The following GAS7 variants were observed in gnomAD, a reference collection of about 807,000 sequenced individuals.
The protein encoded by GAS7 is growth arrest-specific protein 7.
Under a neutral mutation model 71.1 loss-of-function variants are expected in GAS7, and 28 were observed. That is an observed-to-expected ratio of 0.39 (90% CI 0.29 to 0.54). GAS7 has a LOEUF of 0.54. Ranked by LOEUF, GAS7 falls within the 20% of genes least tolerant of loss-of-function variation. The probability of loss-of-function intolerance (pLI) is 0.62; values close to 1 mark genes in which losing one functional copy is unlikely to be tolerated. For missense variants in GAS7, 436 were observed against 627.8 expected, an observed-to-expected ratio of 0.69 and a Z score of 3.27; for synonymous variants, 258 against 245.8, an observed-to-expected ratio of 1.05 and a Z score of -0.46.
chr17:10,009,048 C>A (rs934287735), intron 2 of GAS7, among the ~76,000 whole-genome samples: 1 of 152,120 alleles, frequency 6.6e-6, no homozygotes, highest in African/African-American at 2.4e-5. Context: ...GGGCCGGGCG[C>A]GGTGGCTCAC....
chr17:10,058,968 C>T (rs1023215165), intron 1 of GAS7, among the ~76,000 whole-genome samples: 2 of 152,220 alleles, frequency 1.3e-5, no homozygotes, highest in Non-Finnish European at 2.9e-5. Context: ...TACACGTCTC[C>T]GGCTTGCAAA....
At chr17:10,070,341 CTTTTTTTTTTTT>C (rs71365713) in intron 1 of GAS7, among the ~76,000 whole-genome samples, 1,648 of 106,174 alleles carry the variant, frequency 0.016, 66 homozygotes, top group East Asian at 0.099. Flanking sequence ...TCTCTCTCTT[CTTTTTTTTTTTT>C]TTTTTTTTTT....
chr17:10,046,844 G>GGAAA (rs1349154706), intron 1 of GAS7, among the ~76,000 whole-genome samples: 95 of 80,910 alleles, frequency 1.2e-3, no homozygotes, highest in Non-Finnish European at 2.0e-3. Flanking sequence ...AAGGAAGGAA[G>GGAAA]GAAAGAAAAG....
chr17:10,193,881 G>C (rs775121201), intron 1 of GAS7, among the ~76,000 whole-genome samples: 56 of 152,186 alleles, frequency 3.7e-4, no homozygotes, highest in Non-Finnish European at 6.6e-4. Context: ...AACCATGCCA[G>C]ATAATAAGAA....
chr17:10,002,280 T>C (rs1293440205), intron 2 of GAS7, among the ~76,000 whole-genome samples: 1 of 152,218 alleles, frequency 6.6e-6, no homozygotes, highest in Non-Finnish European at 1.5e-5. Context: ...GGCTCGTAGA[T>C]GGCTTTCTCC....
intron 1 of GAS7, among the ~76,000 whole-genome samples, chr17:10,079,057 C>T (rs886676926): frequency 7.9e-5 from 12 of 152,038 alleles, no homozygotes; most frequent in African/African-American, 2.7e-4. Flanking sequence ...ACTTGAAGAG[C>T]GACAGACCAA....
chr17:9,955,402 T>C (rs1310209536), intron 5 of GAS7, among the ~76,000 whole-genome samples: 5 of 152,244 alleles, frequency 3.3e-5, no homozygotes, highest in Non-Finnish European at 7.3e-5. Context: ...TTCTGTTTGT[T>C]CAACAAAAGC....
intron 8 of GAS7, among the ~76,000 whole-genome samples, chr17:9,938,541 G>A (rs1207114175): frequency 6.7e-6 from 1 of 149,590 alleles, no homozygotes; most frequent in Non-Finnish European, 1.5e-5. Flanking sequence ...CACACACCAA[G>A]GAAAGGCTGC....
rs1299755723 is a variant in GAS7, at chr17:10,040,982, CA to C, written c.184-21086del. Among the ~76,000 whole-genome samples the C allele has an allele frequency of 2.0e-5, 3 of 151,932 alleles. No individual in the cohort carries two copies. In the East Asian group the frequency reaches 5.8e-4, roughly 29 times the overall value. On this transcript the variant is annotated intron_variant, in intron 1 of 13. Transcript: ENST00000432992. ...TTTGAGACTAGCATGGCCAACATGG[CA>C]AAACCCCACCTCTACTAAAAATACA...
chr17:10,181,078 CGGT>C (rs2074410910), intron 1 of GAS7, among the ~76,000 whole-genome samples: 1 of 28,006 alleles, frequency 3.6e-5, no homozygotes, highest in East Asian at 1.2e-3. Flanking sequence ...GCGGGGGTGG[CGGT>C]GGGGGCACGG....
intron 2 of GAS7, among the ~76,000 whole-genome samples, chr17:9,997,899 G>A (rs2071109812): frequency 6.6e-6 from 1 of 152,234 alleles, no homozygotes; most frequent in South Asian, 2.1e-4. Flanking sequence ...AGGGATGGGG[G>A]AAGGGGCACA....
rs117641823 is a variant in GAS7 at position 9,978,537 on chromosome 17, G to C, written c.385+3267C>G. Among the ~76,000 whole-genome samples the C allele has an allele frequency of 5.6e-3, 846 of 151,832 alleles. 4 individuals are homozygous for C. Among genetic ancestry groups the C allele is most frequent in the Non-Finnish European group, 8.4e-3 (569 of 67,970 alleles). On this transcript the variant is annotated intron_variant, in intron 3 of 13. Transcript: ENST00000432992. ...AAAATAAAATAAGAAAATTAGCGGG[G>C]TGTGGTGGCACACGCCTGTAGTTCC...
chr17:9,914,146 A>G lies in GAS7; in HGVS notation c.*3082T>C, dbSNP rs2067517110. The G allele has an allele frequency of 8.9e-6, 2 of 225,036 alleles. No homozygotes were observed. The highest frequency in any genetic ancestry group is 1.8e-5 in the Non-Finnish European group (2 of 113,074). The allele number at this position is 225,036 out of a possible 1,614,324, so 13.9% of individuals were successfully genotyped here. A position where few individuals can be genotyped will look rare whatever the true frequency, so the allele number is the denominator to read the frequency against. On this transcript the variant is annotated 3_prime_UTR_variant, in exon 14 of 14. Transcript: ENST00000432992. Reference sequence around the variant, plus strand: ...TACGGATAGGGGTTCTGGACTGTTGACTCTAGCCCTGGTCTTAATTCACTG... The same window carrying G: ...TACGGATAGGGGTTCTGGACTGTTGGCTCTAGCCCTGGTCTTAATTCACTG...
chr17:10,145,488 T>TTG (rs1226070664), intron 1 of GAS7, among the ~76,000 whole-genome samples: 1 of 152,170 alleles, frequency 6.6e-6, no homozygotes, highest in Non-Finnish European at 1.5e-5. Context: ...GGATGAAACC[T>TTG]TACAAGGCCC....
At chr17:10,007,378 A>G (rs576635277) in intron 2 of GAS7, among the ~76,000 whole-genome samples, 1 of 152,204 alleles carries the variant, frequency 6.6e-6, no homozygotes, top group South Asian at 2.1e-4. Flanking sequence ...TATTCCCAGC[A>G]CTTTGAGAGG....
At chr17:10,043,502 C>T (rs750544834) in intron 1 of GAS7, among the ~76,000 whole-genome samples, 7 of 152,216 alleles carry the variant, frequency 4.6e-5, no homozygotes, top group Non-Finnish European at 8.8e-5. Flanking sequence ...CTACTAACAA[C>T]CTACTGCTGA....
At chr17:10,159,647 G>T (rs568465466) in intron 1 of GAS7, among the ~76,000 whole-genome samples, 134 of 152,252 alleles carry the variant, frequency 8.8e-4, no homozygotes, top group African/African-American at 3.1e-3. Context: ...TCAAGATCGG[G>T]GTCACCTTTG....
chr17:10,036,817 C>G, intron 1 of GAS7: 1 of 891,882 alleles, frequency 1.1e-6, no homozygotes, highest in Non-Finnish European at 1.4e-6. Context: ...TGGCTGAGGT[C>G]ACAACAAACA....
chr17:10,042,900 C>T (rs935113061), intron 1 of GAS7, among the ~76,000 whole-genome samples: 2 of 152,172 alleles, frequency 1.3e-5, no homozygotes, highest in African/African-American at 4.8e-5. Flanking sequence ...ACCAGTAACT[C>T]GAAGAGATGT....
Sources: allele counts gnomAD v4.1 joint callset (sites outside exome capture counted in the v4.1 genomes callset), GRCh38; gene constraint gnomAD v4.1.1; transcripts MANE v1.5; gene names NCBI Gene and HGNC (gene_info 2026-07-23, HGNC 2026-07-21).